TMEM163: variants seen among roughly 807,000 people sequenced by gnomAD.
TMEM163 encodes the protein transmembrane protein 163.
In TMEM163, 17 loss-of-function variants were observed where a neutral mutation model predicts 29.3. The observed-to-expected ratio is 0.58, with a 90% CI of 0.40 to 0.87. The LOEUF is 0.87. Among genes scored for constraint, TMEM163 ranks in the 40% least tolerant of loss-of-function variants. TMEM163 has a pLI of 0.00. For synonymous variants in TMEM163, 157 were observed against 160.6 expected (o/e 0.98, Z 0.17); for missense variants, 303 against 381.5 (o/e 0.79, Z 1.71).
rs1818613 is a variant in TMEM163 at position 134,598,715 on chromosome 2, G to A, written c.323-46624C>T. 6.3e-3 allele frequency among the ~76,000 whole-genome samples: 959 copies of A among 151,776 alleles called. 15 individuals are homozygous for A. Among genetic ancestry groups the A allele is most frequent in the African/African-American group, 0.022 (921 of 41,336 alleles). On this transcript the variant is annotated intron_variant, in intron 2 of 7. Transcript: ENST00000281924. Reference sequence around the variant, plus strand: ...GAGAATCACTTGAGCTCAGGAGTTCGAGACCAGCCTGGCCAACATGGTGAA... The same window carrying A: ...GAGAATCACTTGAGCTCAGGAGTTCAAGACCAGCCTGGCCAACATGGTGAA...
At chr2:134,535,924 T>C (rs1680532045) in intron 4 of TMEM163, among the ~76,000 whole-genome samples, 1 of 152,158 alleles carries the variant, frequency 6.6e-6, no homozygotes, top group Non-Finnish European at 1.5e-5. Context: ...GGTTTCGCCA[T>C]GTTGGCCAGG....
At chr2:134,681,500 T>G (rs1212088102) in intron 2 of TMEM163, among the ~76,000 whole-genome samples, 1 of 151,986 alleles carries the variant, frequency 6.6e-6, no homozygotes, top group Non-Finnish European at 1.5e-5. Flanking sequence ...ACAAAACCTC[T>G]TTCTCTCTAC....
chr2:134,658,991 T>C (rs535615150), intron 2 of TMEM163, among the ~76,000 whole-genome samples: 1 of 152,298 alleles, frequency 6.6e-6, no homozygotes, highest in South Asian at 2.1e-4. Flanking sequence ...GAGAAACGCA[T>C]CATGAGGTGG....
At chr2:134,669,174 C>G (rs1283488870) in intron 2 of TMEM163, among the ~76,000 whole-genome samples, 1 of 152,168 alleles carries the variant, frequency 6.6e-6, no homozygotes, top group Non-Finnish European at 1.5e-5. Flanking sequence ...CTATAAGGAC[C>G]AAAGTCCCTC....
intron 2 of TMEM163, among the ~76,000 whole-genome samples, chr2:134,560,061 G>T (rs1681132954): frequency 2.0e-5 from 3 of 152,064 alleles, no homozygotes; most frequent in African/African-American, 7.2e-5. Context: ...TCTTCATTCT[G>T]CCAGAAACAA....
At chr2:134,493,589 C>A (rs1211933443) in intron 5 of TMEM163, among the ~76,000 whole-genome samples, 1 of 151,950 alleles carries the variant, frequency 6.6e-6, no homozygotes. Flanking sequence ...GGCCAGGAGT[C>A]TTGAACTCCT....
At chr2:134,467,067 A>G (rs368974882) in intron 5 of TMEM163, 1 of 152,280 alleles carries the variant, frequency 6.6e-6, no homozygotes, top group South Asian at 2.1e-4. Context: ...CACAAACCTC[A>G]TGTCAGAACC....
intron 2 of TMEM163, among the ~76,000 whole-genome samples, chr2:134,710,196 C>T (rs932828363): frequency 3.9e-5 from 6 of 152,318 alleles, no homozygotes; most frequent in Admixed American, 2.6e-4. Flanking sequence ...GCGTCCTTAA[C>T]CTTGGCAAAA....
intron 5 of TMEM163, among the ~76,000 whole-genome samples, chr2:134,497,108 T>A (rs2106484928): frequency 6.6e-6 from 1 of 152,360 alleles, no homozygotes; most frequent in African/African-American, 2.4e-5. Flanking sequence ...TGTTCTCATG[T>A]GATCGTGTCT....
At chr2:134,461,706 C>G (rs1225042860) in intron 6 of TMEM163, among the ~76,000 whole-genome samples, 2 of 152,206 alleles carry the variant, frequency 1.3e-5, no homozygotes, top group African/African-American at 4.8e-5. Flanking sequence ...TGTCCCTTTC[C>G]CTGAAGATCT....
At chr2:134,674,505 GCGCGCT>G (rs1684068257) in intron 2 of TMEM163, among the ~76,000 whole-genome samples, 3 of 31,268 alleles carry the variant, frequency 9.6e-5, no homozygotes, top group African/African-American at 7.6e-4. Flanking sequence ...GCGCGCGCGC[GCGCGCT>G]ACCATATCTG....
At chr2:134,669,190 A>G (rs540703736) in intron 2 of TMEM163, among the ~76,000 whole-genome samples, 1 of 152,322 alleles carries the variant, frequency 6.6e-6, no homozygotes, top group South Asian at 2.1e-4. Flanking sequence ...CCCTCACCAC[A>G]GCAAATACGA....
In TMEM163 at chr2:134,671,045, C is replaced by T. The variant is rs533363304; in HGVS notation, c.322+42155G>A. Among the ~76,000 whole-genome samples, 551 of 152,312 alleles carry T rather than the reference C, an allele frequency of 3.6e-3. 1 individual carries two copies. The highest frequency in any genetic ancestry group is 4.0e-3 in the Non-Finnish European group (272 of 68,016). Reference sequence around the variant, plus strand: ...CCCCAGGTTGCTCTCAAAGGACCCCCTCTGGGAACGATGTCTGTGTCCCTG... The same window carrying T: ...CCCCAGGTTGCTCTCAAAGGACCCCTTCTGGGAACGATGTCTGTGTCCCTG... On this transcript the variant is annotated intron_variant, in intron 2 of 7. Transcript: ENST00000281924.
chr2:134,457,966 G>A, intron 7 of TMEM163, 66 bp downstream of exon 7: 1 of 1,606,482 alleles, frequency 6.2e-7, no homozygotes, highest in African/African-American at 1.3e-5. Context: ...TCCTGACTGG[G>A]GAAGGCGGTG....
intron 5 of TMEM163, among the ~76,000 whole-genome samples, chr2:134,474,588 T>A (rs1001236867): frequency 2.0e-5 from 3 of 152,188 alleles, no homozygotes; most frequent in African/African-American, 7.2e-5. Flanking sequence ...ACAGACTACA[T>A]AATTTTCTAT....
chr2:134,465,948 G>A (rs1466425874), intron 6 of TMEM163, among the ~76,000 whole-genome samples, 166 bp downstream of exon 6: 1 of 152,166 alleles, frequency 6.6e-6, no homozygotes, highest in Non-Finnish European at 1.5e-5. Flanking sequence ...GCCCTGATAT[G>A]GGAGCTCTGA....
At chr2:134,670,881 C>T (rs530913494) in intron 2 of TMEM163, among the ~76,000 whole-genome samples, 6 of 152,232 alleles carry the variant, frequency 3.9e-5, no homozygotes, top group Admixed American at 3.3e-4. Context: ...TAAGTGCTTG[C>T]ATAAACAAAA....
At chr2:134,649,762 C>G (rs1411370758) in intron 2 of TMEM163, among the ~76,000 whole-genome samples, 1 of 151,966 alleles carries the variant, frequency 6.6e-6, no homozygotes, top group Admixed American at 6.6e-5. Context: ...TGCCTGTATT[C>G]CAGAATTTTG....
Position 134,456,591 on chromosome 2 carries a change from T to G in TMEM163, c.*125A>C. The G allele has an allele frequency of 4.2e-6, 5 of 1,192,036 alleles. No homozygotes were observed. Among genetic ancestry groups the G allele is most frequent in the Non-Finnish European group, 6.0e-6 (5 of 830,114 alleles). The allele number at this position is 1,192,036 out of a possible 1,614,324, so 73.8% of individuals were successfully genotyped here. ...TCCACCTGGCTGGGCAGACCTTGTC[T>G]TGTAATGACAAACCATGTGAAAGAA... On this transcript the variant is annotated 3_prime_UTR_variant, in exon 8 of 8. Coordinates refer to ENST00000281924, the MANE Select transcript of TMEM163 (RefSeq NM_030923.5).
Sources: allele counts gnomAD v4.1 joint callset (sites outside exome capture counted in the v4.1 genomes callset), GRCh38; gene constraint gnomAD v4.1.1; transcripts MANE v1.5; gene names NCBI Gene and HGNC (gene_info 2026-07-23, HGNC 2026-07-21).